Variants in CUL7 observed in about 807,000 individuals in gnomAD.
CUL7 encodes the protein cullin 7.
In CUL7, 96 loss-of-function variants were observed where a neutral mutation model predicts 177.7. The ratio of observed to expected loss-of-function variants is 0.54; its 90% CI spans 0.46 to 0.64. CUL7 has a LOEUF of 0.64. Ranked by LOEUF, CUL7 falls within the 30% of genes least tolerant of loss-of-function variation. The pLI, the probability that CUL7 is intolerant of heterozygous loss-of-function variation, is 0.00. For missense variants in CUL7, 1,893 were observed against 2,187.9 expected (o/e 0.87, Z 2.69); for synonymous variants, 824 against 890.2 (o/e 0.93, Z 1.32).
Position 43,045,832 on chromosome 6 carries a change from G to A in CUL7, c.2767-150C>T, listed in dbSNP as rs1763854450. ...GTCCTCATGCCACCCTCATTGTTCA[G>A]GGCCTGGTGGCACAAGCACAGGGAT... is the stretch of plus-strand genomic sequence containing the variant. On this transcript the variant is annotated intron_variant, in intron 13 of 25. Coordinates refer to ENST00000265348, the MANE Select transcript of CUL7 (RefSeq NM_014780.5). The surrounding 1 kb of genome is among the most constrained non-coding windows in gnomAD (Gnocchi z 4.8). 2.8e-6 allele frequency: 3 copies of A among 1,079,068 alleles called. No homozygotes were observed. Among genetic ancestry groups the A allele is most frequent in the Middle Eastern group, 2.0e-4 (1 of 5,078 alleles). 66.8% of individuals were successfully genotyped at this position (1,079,068 alleles called of 1,614,324 possible). A position where few individuals can be genotyped will look rare whatever the true frequency, so the allele number is the denominator to read the frequency against.
chr6:43,053,650 A>G lies in CUL7; in HGVS notation c.-37T>C. The G allele has an allele frequency of 7.3e-7, 1 of 1,377,836 alleles. No individual in the cohort carries two copies. Among genetic ancestry groups the G allele is most frequent in the Admixed American group, 3.3e-5 (1 of 30,042 alleles). 85.4% of individuals were successfully genotyped at this position (1,377,836 alleles called of 1,614,324 possible). A position where few individuals can be genotyped will look rare whatever the true frequency, so the allele number is the denominator to read the frequency against. ...AGAAGTCCACCGGGGTCCTGGCGCGAGGCCTGTCCTTCACAGAGCAAGGGA... is the reference window on the plus strand; with the variant it reads ...AGAAGTCCACCGGGGTCCTGGCGCGGGGCCTGTCCTTCACAGAGCAAGGGA... On this transcript the variant is annotated 5_prime_UTR_variant, in exon 1 of 26. Transcript: ENST00000265348. The surrounding 1 kb of genome is among the most constrained non-coding windows in gnomAD (Gnocchi z 4.1).
intron 23 of CUL7, 55 bp from the exon 24 acceptor site, chr6:43,038,747 G>C (rs149569345): frequency 0.026 from 41,289 of 1,612,682 alleles, 629 homozygotes; most frequent in South Asian, 0.03. Context: ...GGAGAGAAGA[G>C]GATGGAGGGA....
rs2150340485 is a variant in CUL7, at chr6:43,053,563, C to T, written c.-9+59G>A. On this transcript the variant is annotated intron_variant, in intron 1 of 25. Coordinates refer to ENST00000265348, the MANE Select transcript of CUL7 (RefSeq NM_014780.5). This position sits in a 1 kb window ranked among gnomAD's most constrained non-coding sequence, Gnocchi z 4.1. ...GGACCGAGGTTGGGTGAGCGCGAGG[C>T]TCGATGGGCTAGTGGGCAGGGAAGG... The T allele has an allele frequency of 3.4e-6, 4 of 1,176,058 alleles. No homozygotes were observed. Among genetic ancestry groups the T allele is most frequent in the East Asian group, 3.1e-5 (1 of 32,728 alleles). 72.9% of individuals were successfully genotyped at this position (1,176,058 alleles called of 1,614,324 possible). A position where few individuals can be genotyped will look rare whatever the true frequency, so the allele number is the denominator to read the frequency against.
chr6:43,041,839 A>T (rs905609187), intron 19 of CUL7, among the ~76,000 whole-genome samples: 7 of 151,892 alleles, frequency 4.6e-5, no homozygotes, highest in Non-Finnish European at 1.0e-4. Context: ...CTCCGTCTCT[A>T]CTAAAAATAC....
intron 6 of CUL7, 58 bp from the exon 7 acceptor site, chr6:43,049,720 G>A (rs1764243872): frequency 1.9e-6 from 3 of 1,606,210 alleles, no homozygotes; most frequent in South Asian, 2.2e-5. Flanking sequence ...AGGCCCCAGG[G>A]AGCACTTGGT....
chr6:43,044,291 C>T (rs926459581), intron 16 of CUL7, among the ~76,000 whole-genome samples: 101 of 152,096 alleles, frequency 6.6e-4, no homozygotes, highest in African/African-American at 2.3e-3. Context: ...CATTGCACTC[C>T]AGTCTAGGCA....
Position 43,045,168 on chromosome 6 carries a change from T to C in CUL7, c.3038+59A>G, listed in dbSNP as rs1339342736. The C allele has an allele frequency of 2.5e-6, 4 of 1,573,050 alleles. No homozygotes were observed. The highest frequency in any genetic ancestry group is 3.5e-6 in the Non-Finnish European group (4 of 1,157,510). On this transcript the variant is annotated intron_variant, in intron 15 of 25. Coordinates refer to ENST00000265348, the MANE Select transcript of CUL7 (RefSeq NM_014780.5). The surrounding 1 kb of genome is among the most constrained non-coding windows in gnomAD (Gnocchi z 4.8). Reference sequence around the variant, plus strand: ...CTTCTATGGACCCCTGCCTGCCAGCTATTTGCAATAGCCTTACCTTTCCCA... The same window carrying C: ...CTTCTATGGACCCCTGCCTGCCAGCCATTTGCAATAGCCTTACCTTTCCCA...
In CUL7 at chr6:43,043,472, G is replaced by T; in HGVS notation, c.3331C>A (p.Pro1111Thr). The change falls in exon 17 of 26, where the codon CCT (proline) becomes ACT (threonine). Residue 1111 changes from proline to threonine, a missense_variant. Around this residue, in one of 5 missense-constraint regions of CUL7, gnomAD observed 973 missense variants for 1,140.9 expected, o/e 0.85. Coordinates refer to ENST00000265348, the MANE Select transcript of CUL7 (RefSeq NM_014780.5). This position sits in a 1 kb window ranked among gnomAD's most constrained non-coding sequence, Gnocchi z 4.2. ...VHVEPCEAPP[P>T]VVATPRPKGR... ...CTGGGCCGAGGAGTGGCCACCACAG[G>T]AGGGGGTGCCTCACAGGGCTCGACA... 3 of 1,614,032 alleles carry T rather than the reference G, an allele frequency of 1.9e-6. No homozygotes were observed. The highest frequency in any genetic ancestry group is 2.5e-6 in the Non-Finnish European group (3 of 1,179,926).
rs565748576 is a variant in CUL7 at position 43,043,809 on chromosome 6, G to C, written c.3173-179C>G. Among the ~76,000 whole-genome samples, 1 of 150,982 alleles carries C rather than the reference G, an allele frequency of 6.6e-6. No homozygotes were observed. Among genetic ancestry groups the C allele is most frequent in the Admixed American group, 6.6e-5 (1 of 15,154 alleles). ...TTTGGGAGGCTGAGATGAGAGGATCGCTTGAGGCAGGAGTTCAAGACTGGC... is the reference window on the plus strand; with the variant it reads ...TTTGGGAGGCTGAGATGAGAGGATCCCTTGAGGCAGGAGTTCAAGACTGGC... On this transcript the variant is annotated intron_variant, in intron 16 of 25. Transcript: ENST00000265348. This position sits in a 1 kb window ranked among gnomAD's most constrained non-coding sequence, Gnocchi z 4.2.
In CUL7 at chr6:43,051,364, G is replaced by C. The variant is rs779326407; in HGVS notation, c.837C>G (p.Thr279=). 1.2e-6 allele frequency: 2 copies of C among 1,613,780 alleles called. No individual in the cohort carries two copies. Among genetic ancestry groups the C allele is most frequent in the African/African-American group, 2.7e-5 (2 of 74,900 alleles). ...CCCCACTCAACTCCTCAGGAGCAGA[G>C]GTGTTCTGGGCTCCTGGCTCCGCAG... The part of the protein sequence containing the change: ...DSAAEPGAQN[T]SAPEELSGER... Residue 279 remains threonine, a synonymous_variant, in exon 4 of 26, where the codon ACC becomes ACG. Transcript: ENST00000265348. The surrounding 1 kb of genome is among the most constrained non-coding windows in gnomAD (Gnocchi z 5.0).
At position 43,040,120 on chromosome 6, in the gene CUL7, CTCCCCAG is replaced by C. The variant is rs1561873399; in HGVS notation, c.4294+29_4294+35del. On this transcript the variant is annotated intron_variant, in intron 22 of 25. Coordinates refer to ENST00000265348, the MANE Select transcript of CUL7 (RefSeq NM_014780.5). This position sits in a 1 kb window ranked among gnomAD's most constrained non-coding sequence, Gnocchi z 4.2. ...AGGTCCTTTCCTAGCAGCCCACCCTCTCCCCAGTCCCCAGTCCCTCTGCCTGGCTGCT... is the reference window on the plus strand; with the variant it reads ...AGGTCCTTTCCTAGCAGCCCACCCTCTCCCCAGTCCCTCTGCCTGGCTGCT... 1.9e-6 allele frequency: 3 copies of C among 1,613,706 alleles called. No homozygotes were observed. Among genetic ancestry groups the C allele is most frequent in the Non-Finnish European group, 2.5e-6 (3 of 1,179,692 alleles).
Position 43,045,290 on chromosome 6 carries a change from C to G in CUL7, c.2975G>C (p.Arg992Pro). Residue 992 changes from arginine to proline, a missense_variant, in exon 15 of 26, where the codon CGG (arginine) becomes CCG (proline). Arg to Pro is a moderately radical substitution (Grantham distance 103). This residue lies in a region of CUL7 where 973 missense variants were observed against 1,140.9 expected (regional missense o/e 0.85). Transcript: ENST00000265348. The surrounding 1 kb of genome is among the most constrained non-coding windows in gnomAD (Gnocchi z 4.8). ...CATGTCCTGGCTCCAGGCCTGTGCCCGAACCATGTAGAAGAGGCGTGTGTG... is the reference window on the plus strand; with the variant it reads ...CATGTCCTGGCTCCAGGCCTGTGCCGGAACCATGTAGAAGAGGCGTGTGTG... Reference protein sequence around the residue: ...CRHTRLFYMVRAQAWSQDMAE... With the variant: ...CRHTRLFYMVPAQAWSQDMAE... The G allele has an allele frequency of 1.2e-6, 2 of 1,614,204 alleles. No homozygotes were observed. Among genetic ancestry groups the G allele is most frequent in the East Asian group, 4.5e-5 (2 of 44,880 alleles).
chr6:43,051,135 G>A lies in CUL7; in HGVS notation c.1066C>T (p.Arg356Cys), dbSNP rs748722880. 1.3e-5 allele frequency: 21 copies of A among 1,614,206 alleles called. 1 individual carries two copies. The South Asian group carries it at 1.5e-4, about 12-fold the overall frequency. The change falls in exon 4 of 26, where the codon CGT (arginine) becomes TGT (cysteine). Residue 356 changes from arginine (R) to cysteine (C), a missense_variant. Coordinates refer to ENST00000265348, the MANE Select transcript of CUL7 (RefSeq NM_014780.5). The surrounding 1 kb of genome is among the most constrained non-coding windows in gnomAD (Gnocchi z 5.0). ...QAQPSFRRSR[R>C]FRPRSEFASG... The stretch of plus-strand genomic sequence containing the variant: ...GCGAACTCAGAACGAGGGCGAAAAC[G>A]TCTTGACCTCCTGAAGGAGGGCTGA...
Position 43,045,431 on chromosome 6 carries a change from C to G in CUL7, c.2863-29G>C. The G allele has an allele frequency of 6.2e-7, 1 of 1,614,098 alleles. No individual in the cohort carries two copies. Among genetic ancestry groups the G allele is most frequent in the Non-Finnish European group, 8.5e-7 (1 of 1,180,010 alleles). Reference sequence around the variant, plus strand: ...AAACACACACAGGACTATCTTCACTCGCTCCACACCTTGGGATGGGCTGGG... The same window carrying G: ...AAACACACACAGGACTATCTTCACTGGCTCCACACCTTGGGATGGGCTGGG... On this transcript the variant is annotated intron_variant, in intron 14 of 25. Coordinates refer to ENST00000265348, the MANE Select transcript of CUL7 (RefSeq NM_014780.5). The surrounding 1 kb of genome is among the most constrained non-coding windows in gnomAD (Gnocchi z 4.8).
rs776621969 is a variant in CUL7, at chr6:43,040,147, G to A, written c.4294+9C>T. 1 of 1,614,100 alleles carries A rather than the reference G, an allele frequency of 6.2e-7. No individual in the cohort carries two copies. Among genetic ancestry groups the A allele is most frequent in the East Asian group, 2.2e-5 (1 of 44,872 alleles). ...CCCCAGTCCCCAGTCCCTCTGCCTG[G>A]CTGCTCACTCTTGTTGTAGAAGTTG... On this transcript the variant is annotated intron_variant, in intron 22 of 25. Coordinates refer to ENST00000265348, the MANE Select transcript of CUL7 (RefSeq NM_014780.5). The surrounding 1 kb of genome is among the most constrained non-coding windows in gnomAD (Gnocchi z 4.2).
At chr6:43,048,122 C>G in intron 9 of CUL7, 26 bp downstream of exon 9, 1 of 1,512,380 alleles carries the variant, frequency 6.6e-7, no homozygotes, top group Non-Finnish European at 9.1e-7. Flanking sequence ...CTCCCCCAGC[C>G]TCTCCCCAGA....
chr6:43,044,996 C>T (rs1470692928), intron 15 of CUL7, 111 bp from the exon 16 acceptor site: 31 of 1,503,818 alleles, frequency 2.1e-5, no homozygotes, highest in Non-Finnish European at 2.8e-5. Flanking sequence ...CCGAAGGCCC[C>T]CTGGTACTTC....
rs376813869 is a variant in CUL7 at position 43,045,624 on chromosome 6, C to T, written c.2825G>A (p.Trp942Ter). 4 of 1,614,104 alleles carry T rather than the reference C, an allele frequency of 2.5e-6. No homozygotes were observed. In the African/African-American group the frequency reaches 5.3e-5, roughly 22 times the overall value. The change falls in exon 14 of 26, where the codon TGG becomes TAG. Residue 942 changes from tryptophan (W) to a stop codon, truncating the protein, a stop_gained. Transcript: ENST00000265348. LOFTEE classifies it high-confidence loss of function. This position sits in a 1 kb window ranked among gnomAD's most constrained non-coding sequence, Gnocchi z 4.8. Reference sequence around the variant, plus strand: ...CTTTATGCGGATCTGGATGATGGGCCAGAAGCGGGTCAGGTTCTCCAGGAG... The same window carrying T: ...CTTTATGCGGATCTGGATGATGGGCTAGAAGCGGGTCAGGTTCTCCAGGAG... The part of the protein sequence containing the change: ...VILLENLTRF[W>*]PIIQIRIKRC...
Position 43,040,421 on chromosome 6 carries a change from G to A in CUL7, c.4029C>T (p.Gly1343=), listed in dbSNP as rs1444232569. The part of the protein sequence containing the change: ...LEDTEKKIQV[G]LGASGKEHKS... ...TGTGCTCCTTGCCACTGGCCCCAAG[G>A]CCCACCTGAAGGAGCACAGGGTTCC... is the stretch of plus-strand genomic sequence containing the variant. The change falls in exon 22 of 26, where the codon GGC becomes GGT. Residue 1343 remains glycine (G), a synonymous_variant. Transcript: ENST00000265348. This position sits in a 1 kb window ranked among gnomAD's most constrained non-coding sequence, Gnocchi z 4.2. 4 of 1,612,150 alleles carry A rather than the reference G, an allele frequency of 2.5e-6. No homozygotes were observed. The East Asian group carries it at 8.9e-5, about 36-fold the overall frequency.
Sources: allele counts gnomAD v4.1 joint callset (sites outside exome capture counted in the v4.1 genomes callset), GRCh38; gene constraint gnomAD v4.1.1; regional missense constraint gnomAD v4.1.1; non-coding constraint Gnocchi (gnomAD v3.1); transcripts MANE v1.5; gene names NCBI Gene and HGNC (gene_info 2026-07-23, HGNC 2026-07-21).